FRMD4B: variants seen among roughly 807,000 people sequenced by gnomAD.
FRMD4B encodes the protein FERM domain containing 4B.
FRMD4B carries 74 observed loss-of-function variants against 141.5 expected under a neutral mutation model. The observed-to-expected ratio is 0.52, with a 90% CI of 0.43 to 0.63. The LOEUF is 0.63. Among genes scored for constraint, FRMD4B ranks in the 30% least tolerant of loss-of-function variants. The pLI, the probability that FRMD4B is intolerant of heterozygous loss-of-function variation, is 0.00. For missense variants in FRMD4B, 1,366 were observed against 1,253.4 expected, an observed-to-expected ratio of 1.09 and a Z score of -1.36; for synonymous variants, 506 against 467.9, an observed-to-expected ratio of 1.08 and a Z score of -1.05.
chr3:69,541,869 C>T (rs1559557947), intron 1 of FRMD4B, among the ~76,000 whole-genome samples: 1 of 152,084 alleles, frequency 6.6e-6, no homozygotes, highest in Non-Finnish European at 1.5e-5. Flanking sequence ...CCCGACCTCC[C>T]ACGAACGCGC....
intron 1 of FRMD4B, among the ~76,000 whole-genome samples, chr3:69,447,399 A>G (rs1705425131): frequency 6.6e-6 from 1 of 152,242 alleles, no homozygotes; most frequent in South Asian, 2.1e-4. Context: ...TACCAATAAC[A>G]GAGATATTGA....
chr3:69,186,228 C>CT (rs1202005456), intron 19 of FRMD4B, among the ~76,000 whole-genome samples: 10 of 132,896 alleles, frequency 7.5e-5, no homozygotes, highest in South Asian at 2.4e-4. Flanking sequence ...TTGAACATTT[C>CT]TTTTTTTTTT....
chr3:69,347,108 A>T (rs1478897599), intron 1 of FRMD4B, among the ~76,000 whole-genome samples: 1 of 152,264 alleles, frequency 6.6e-6, no homozygotes, highest in African/African-American at 2.4e-5. Flanking sequence ...AGAGACACAC[A>T]TAGGCTCAAA....
At chr3:69,218,247 T>C in intron 10 of FRMD4B, 75 bp downstream of exon 10, 1 of 744,556 alleles carries the variant, frequency 1.3e-6, no homozygotes, top group Non-Finnish European at 2.3e-6. Flanking sequence ...CAGCCTTTTA[T>C]ATAGTATGAA....
At chr3:69,517,988 TC>T (rs1314342536) in intron 1 of FRMD4B, among the ~76,000 whole-genome samples, 1 of 152,114 alleles carries the variant, frequency 6.6e-6, no homozygotes, top group Admixed American at 6.6e-5. Flanking sequence ...TTCTAACAAG[TC>T]CCCAAGAGAT....
At chr3:69,349,037 CT>C (rs1383799325) in intron 1 of FRMD4B, among the ~76,000 whole-genome samples, 1 of 152,206 alleles carries the variant, frequency 6.6e-6, no homozygotes, top group Non-Finnish European at 1.5e-5. Context: ...CAAATTGTCC[CT>C]GTTTGCATAT....
At chr3:69,216,191 G>A (rs1462786377) in intron 11 of FRMD4B, 72 bp downstream of exon 11, 1 of 841,102 alleles carries the variant, frequency 1.2e-6, no homozygotes, top group African/African-American at 1.7e-5. Context: ...CTAATGGTGT[G>A]TGCTTTTCAA....
chr3:69,389,854 G>A (rs983610172), upstream of FRMD4B, among the ~76,000 whole-genome samples: 5 of 151,960 alleles, frequency 3.3e-5, no homozygotes, highest in Non-Finnish European at 7.4e-5. Flanking sequence ...AAAATTTTCT[G>A]TGGAAAAGGA....
intron 2 of FRMD4B, among the ~76,000 whole-genome samples, chr3:69,397,188 A>T (rs1179199940): frequency 6.6e-6 from 1 of 152,238 alleles, no homozygotes; most frequent in Non-Finnish European, 1.5e-5. Flanking sequence ...CATAAAAAGG[A>T]ATGAAATACT....
chr3:69,373,293 G>C (rs368619070), intron 1 of FRMD4B, among the ~76,000 whole-genome samples: 1 of 152,198 alleles, frequency 6.6e-6, no homozygotes, highest in African/African-American at 2.4e-5. Flanking sequence ...GACTAGGAGA[G>C]TGCTAGAAAG....
At chr3:69,316,626 AAATG>A (rs1326855315) in intron 1 of FRMD4B, among the ~76,000 whole-genome samples, 5 of 152,170 alleles carry the variant, frequency 3.3e-5, no homozygotes, top group African/African-American at 1.2e-4. Context: ...AGAAATAAAT[AAATG>A]TGTCAGTTTA....
chr3:69,199,883 TTATAAGACATTG>T, intron 11 of FRMD4B, among the ~76,000 whole-genome samples: 1 of 152,320 alleles, frequency 6.6e-6, no homozygotes, highest in Middle Eastern at 3.4e-3. Context: ...CCTAAGCTCT[TTATAAGACATTG>T]TACTATCCTG....
chr3:69,313,547 C>T, intron 1 of FRMD4B, 30 bp from the exon 2 acceptor site: 1 of 1,434,180 alleles, frequency 7.0e-7, no homozygotes, highest in Non-Finnish European at 9.6e-7. Flanking sequence ...AGAGTGGTGT[C>T]AGGGCCACGG....
At chr3:69,200,993 C>T (rs1250159163) in intron 11 of FRMD4B, 10 of 363,172 alleles carry the variant, frequency 2.8e-5, no homozygotes, top group Non-Finnish European at 5.6e-5. Context: ...TCCATTCAGC[C>T]TGTCCCTGCA....
At chr3:69,293,645 C>T (rs56239005) in intron 4 of FRMD4B, among the ~76,000 whole-genome samples, 3,551 of 152,078 alleles carry the variant, frequency 0.023, 50 homozygotes, top group Non-Finnish European at 0.033. Flanking sequence ...TTTTGGGAGG[C>T]CAAGGCAGGC....
intron 1 of FRMD4B, among the ~76,000 whole-genome samples, chr3:69,347,514 A>G (rs1291949376): frequency 1.3e-5 from 2 of 152,220 alleles, no homozygotes; most frequent in African/African-American, 4.8e-5. Context: ...CCCAGCACAA[A>G]TCAACAGAAT....
upstream of FRMD4B, among the ~76,000 whole-genome samples, chr3:69,390,777 CAGCTGCTT>C (rs1704362959): frequency 6.6e-6 from 1 of 152,190 alleles, no homozygotes; most frequent in Non-Finnish European, 1.5e-5. Flanking sequence ...CCTGTAGTCT[CAGCTGCTT>C]AGGAGGCTGA....
chr3:69,272,254 G>A (rs541730859), intron 5 of FRMD4B, among the ~76,000 whole-genome samples: 9 of 152,104 alleles, frequency 5.9e-5, no homozygotes, highest in Non-Finnish European at 1.3e-4. Context: ...TGATTCTCCT[G>A]TCTCTCAGCC....
At chr3:69,454,650 G>A (rs974483723) in intron 1 of FRMD4B, among the ~76,000 whole-genome samples, 1 of 152,162 alleles carries the variant, frequency 6.6e-6, no homozygotes, top group African/African-American at 2.4e-5. Flanking sequence ...CTCTAATTCT[G>A]GCCAGGCCTC....
Sources: gnomAD v4.1 joint callset for allele counts (sites outside exome capture counted in the v4.1 genomes callset) on GRCh38, gnomAD v4.1.1 for gene constraint, MANE v1.5 for transcripts, NCBI Gene and HGNC (gene_info 2026-07-23, HGNC 2026-07-21) for gene names.